ZNF483: variants seen among roughly 807,000 people sequenced by gnomAD.
The protein encoded by ZNF483 is zinc finger protein 483, also known as zinc finger protein HIT-10.
In ZNF483, 9 loss-of-function variants were observed where a neutral mutation model predicts 28.6. That is an observed-to-expected ratio of 0.32 (90% confidence interval 0.19 to 0.55). ZNF483 has a LOEUF of 0.55. ZNF483 is among the 20% of genes least tolerant of loss of function. The pLI is 0.93. For missense variants in ZNF483, 675 were observed against 871.7 expected, an observed-to-expected ratio of 0.77 and a Z score of 2.84; for synonymous variants, 322 against 306.2, an observed-to-expected ratio of 1.05 and a Z score of -0.54.
chr9:111,529,218 G>A (rs377413655), intron 2 of ZNF483, among the ~76,000 whole-genome samples: 13 of 151,850 alleles, frequency 8.6e-5, no homozygotes, highest in East Asian at 1.9e-4. Context: ...CTTTGATTAC[G>A]TAATTCTAAT....
At chr9:111,560,978 G>T (rs1306834375) in intron 5 of ZNF483, among the ~76,000 whole-genome samples, 1,749 of 16,350 alleles carry the variant, frequency 0.11, 51 homozygotes, top group Middle Eastern at 0.14. Flanking sequence ...TATATATAGA[G>T]AGAGAGAGAG....
rs182187991 is a variant in ZNF483 at position 111,562,997 on chromosome 9, T to C, written c.722-13368T>C. On this transcript the variant is annotated intron_variant, in intron 5 of 5. Transcript: ENST00000358151. ...TACCACTTAAATGTATTTTATTAAG[T>C]AGCTCAAACTCATTATGAGTACTAT... 1.7e-5 allele frequency: 24 copies of C among 1,433,216 alleles called. No individual in the cohort carries two copies. In the East Asian group the frequency reaches 5.5e-4, roughly 33 times the overall value. 88.8% of individuals were successfully genotyped at this position (1,433,216 alleles called of 1,614,324 possible).
rs779906217 is a variant in ZNF483, at chr9:111,534,347, C to T, written c.715C>T (p.Arg239Ter). The change falls in exon 5 of 6, where the codon CGA becomes TGA. Residue 239 changes from arginine to a stop codon, truncating the protein, a stop_gained. Coordinates refer to ENST00000309235, the MANE Select transcript of ZNF483 (RefSeq NM_133464.5). LOFTEE classifies it low-confidence loss of function (END_TRUNC). Reference protein sequence around the residue: ...WLLEEVSKSSRLDESALDKII... With the variant: ...WLLEEVSKSS ...GCTGGAAGAAGTCTCAAAAAGCTCC[C>T]GACTAGGTGAGTTGGTGAAAAATAC... 6.2e-7 allele frequency: 1 copy of T among 1,613,732 alleles called. No individual in the cohort carries two copies. Among genetic ancestry groups the T allele is most frequent in the Non-Finnish European group, 8.5e-7 (1 of 1,179,750 alleles).
chr9:111,544,355 T>G lies in ZNF483; in HGVS notation c.*1185T>G, dbSNP rs1338843755. 1.0e-6 allele frequency: 1 copy of G among 981,912 alleles called. No individual in the cohort carries two copies. The highest frequency in any genetic ancestry group is 1.2e-6 in the Non-Finnish European group (1 of 827,002). The allele number at this position is 981,912 out of a possible 1,614,324, so 60.8% of individuals were successfully genotyped here. Reference sequence around the variant, plus strand: ...TTGCTTGGGTGTGTGTGCATGTGTGTGTGTGTGTGTGTGTGTGTATACATT... The same window carrying G: ...TTGCTTGGGTGTGTGTGCATGTGTGGGTGTGTGTGTGTGTGTGTATACATT... On this transcript the variant is annotated 3_prime_UTR_variant, in exon 6 of 6. Transcript: ENST00000309235.
chr9:111,576,213 C>T (rs1011209046), intron 5 of ZNF483: 3 of 690,844 alleles, frequency 4.3e-6, no homozygotes, highest in Non-Finnish European at 7.1e-6. Flanking sequence ...AGGTTAAAGG[C>T]AATTCACTGA....
In ZNF483 at chr9:111,550,389, CTAT is replaced by C. The variant is rs1439740224; in HGVS notation, c.*7224_*7226del. 6.6e-6 allele frequency among the ~76,000 whole-genome samples: 1 copy of C among 152,114 alleles called. No individual in the cohort carries two copies. Among genetic ancestry groups the C allele is most frequent in the Non-Finnish European group, 1.5e-5 (1 of 68,028 alleles). On this transcript the variant is annotated 3_prime_UTR_variant, in exon 6 of 6. Coordinates refer to ENST00000309235, the MANE Select transcript of ZNF483 (RefSeq NM_133464.5). ...GAACCCTGATATTTGGAGGAAGTGG[CTAT>C]TATTGTCCACCCTGGCTGCAGCAAG...
intron 5 of ZNF483, 27 bp downstream of exon 5, chr9:111,534,380 A>G: frequency 6.3e-7 from 1 of 1,580,644 alleles, no homozygotes; most frequent in Non-Finnish European, 8.7e-7. Flanking sequence ...TACACAACGA[A>G]ATTAAAGCAG....
At chr9:111,576,160 T>A (rs1829044885) in intron 5 of ZNF483, among the ~76,000 whole-genome samples, 1 of 149,126 alleles carries the variant, frequency 6.7e-6, no homozygotes, top group Non-Finnish European at 1.5e-5. Context: ...CTGGTGAGAC[T>A]GAGTCTCAAA....
downstream of ZNF483, among the ~76,000 whole-genome samples, chr9:111,556,413 G>A (rs1451700216): frequency 6.6e-6 from 1 of 152,250 alleles, no homozygotes; most frequent in Non-Finnish European, 1.5e-5. Flanking sequence ...CAGCTCCACT[G>A]TGTAGGGGGC....
Position 111,551,253 on chromosome 9 carries a change from A to G in ZNF483, c.*8083A>G, listed in dbSNP as rs1197657043. Among the ~76,000 whole-genome samples, 1 of 152,224 alleles carries G rather than the reference A, an allele frequency of 6.6e-6. No homozygotes were observed. The highest frequency in any genetic ancestry group is 1.5e-5 in the Non-Finnish European group (1 of 68,042). ...GTATGTAATGTGTTAATCTACACAC[A>G]AAATTTTCATTTGTAATACATAACT... is the stretch of plus-strand genomic sequence containing the variant. On this transcript the variant is annotated 3_prime_UTR_variant, in exon 6 of 6. Coordinates refer to ENST00000309235, the MANE Select transcript of ZNF483 (RefSeq NM_133464.5).
intron 5 of ZNF483, 90 bp from the exon 6 acceptor site, chr9:111,541,567 A>T: frequency 9.8e-7 from 1 of 1,024,782 alleles, no homozygotes; most frequent in South Asian, 1.8e-5. Flanking sequence ...TATATTCCTT[A>T]TAGTTATTAA....
chr9:111,539,460 TA>T, intron 5 of ZNF483: 1 of 455,890 alleles, frequency 2.2e-6, no homozygotes, highest in South Asian at 1.5e-5. Context: ...TGTGATTTGA[TA>T]AAGGTTCAAT....
intron 5 of ZNF483, among the ~76,000 whole-genome samples, chr9:111,539,100 G>A (rs999599623): frequency 9.9e-5 from 12 of 121,604 alleles, no homozygotes; most frequent in African/African-American, 2.9e-4. Flanking sequence ...GTGACAGAGC[G>A]AGACTCCGTC....
intron 2 of ZNF483, among the ~76,000 whole-genome samples, chr9:111,529,759 C>G (rs950124034): frequency 2.0e-5 from 3 of 152,162 alleles, no homozygotes; most frequent in Admixed American, 1.3e-4. Context: ...TCACAGGAAA[C>G]TTTTATCTAT....
In ZNF483 at chr9:111,576,106, G is replaced by A. The variant is rs572284590; in HGVS notation, c.722-259G>A. On this transcript the variant is annotated intron_variant, in intron 5 of 5. Transcript: ENST00000358151. ...ACCTGGGAGGTCAAGGCTGCAGTGA[G>A]CTGTCATCACATACTGCACTCCAGA... Among the ~76,000 whole-genome samples, 4 of 151,848 alleles carry A rather than the reference G, an allele frequency of 2.6e-5. No individual in the cohort carries two copies. The South Asian group carries it at 8.3e-4, about 32-fold the overall frequency.
chr9:111,549,713 C>T lies in ZNF483; in HGVS notation c.*6543C>T. 6.5e-7 allele frequency: 1 copy of T among 1,546,060 alleles called. No homozygotes were observed. Among genetic ancestry groups the T allele is most frequent in the Non-Finnish European group, 8.7e-7 (1 of 1,145,206 alleles). On this transcript the variant is annotated 3_prime_UTR_variant, in exon 6 of 6. Coordinates refer to ENST00000309235, the MANE Select transcript of ZNF483 (RefSeq NM_133464.5). ...TTGTAGTCCTTTTGTAAAGTGGACC[C>T]TTGCCTTCTAAGGTAATGGTGAATG...
At chr9:111,536,961 A>G (rs913551201) in intron 5 of ZNF483, among the ~76,000 whole-genome samples, 25 of 152,136 alleles carry the variant, frequency 1.6e-4, no homozygotes, top group Non-Finnish European at 7.4e-5. Flanking sequence ...ATGGCAGACA[A>G]TTGCAGCTGC....
At chr9:111,532,693 T>C (rs1280682209) in intron 3 of ZNF483, among the ~76,000 whole-genome samples, 5 of 152,196 alleles carry the variant, frequency 3.3e-5, no homozygotes, top group Admixed American at 2.6e-4. Context: ...CACGTACCAA[T>C]AGCCATTTGG....
At chr9:111,535,463 ACATGCCTGAATAC>A (rs1237511041) in intron 5 of ZNF483, among the ~76,000 whole-genome samples, 3 of 152,258 alleles carry the variant, frequency 2.0e-5, no homozygotes, top group Non-Finnish European at 4.4e-5. Flanking sequence ...ACATATAAAT[ACATGCCTGAATAC>A]ATAGAGTATA....
Sources: gnomAD v4.1 joint callset for allele counts (sites outside exome capture counted in the v4.1 genomes callset) on GRCh38, gnomAD v4.1.1 for gene constraint, MANE v1.5 for transcripts, NCBI Gene and HGNC (gene_info 2026-07-23, HGNC 2026-07-21) for gene names.